COX10: variants seen among roughly 807,000 people sequenced by gnomAD.
COX10 encodes the protein protoheme IX farnesyltransferase, mitochondrial.
A neutral mutation model predicts 37.3 loss-of-function variants in COX10; 27 were observed. The ratio of observed to expected loss-of-function variants is 0.72; its 90% confidence interval spans 0.53 to 1.00. The LOEUF is 1.00. Among genes scored for constraint, COX10 ranks in the 50% least tolerant of loss-of-function variants. The probability of loss-of-function intolerance (pLI) is 0.00; values close to 1 mark genes in which losing one functional copy is unlikely to be tolerated. For missense variants in COX10, 475 were observed against 563.2 expected, an observed-to-expected ratio of 0.84 and a Z score of 1.59; for synonymous variants, 222 against 229.1, an observed-to-expected ratio of 0.97 and a Z score of 0.28.
At chr17:14,152,667 C>T (rs1904938327) in intron 4 of COX10, among the ~76,000 whole-genome samples, 1 of 152,178 alleles carries the variant, frequency 6.6e-6, no homozygotes. Flanking sequence ...CAAGAACAAC[C>T]TGGAATCTGT....
At chr17:14,142,858 A>T (rs1224809937) in intron 4 of COX10, among the ~76,000 whole-genome samples, 1 of 152,204 alleles carries the variant, frequency 6.6e-6, no homozygotes, top group Non-Finnish European at 1.5e-5. Flanking sequence ...TGCTTGCAAC[A>T]CATTACAGGT....
chr17:14,118,137 G>A (rs766867686), intron 4 of COX10, among the ~76,000 whole-genome samples: 7 of 151,430 alleles, frequency 4.6e-5, no homozygotes, highest in Non-Finnish European at 1.0e-4. Context: ...GTGCCCGCTA[G>A]GATCTTGAGT....
intron 4 of COX10, among the ~76,000 whole-genome samples, chr17:14,115,920 A>G (rs1039012390): frequency 6.6e-6 from 1 of 152,156 alleles, no homozygotes; most frequent in Non-Finnish European, 1.5e-5. Flanking sequence ...GGAACAATGT[A>G]AGTTATTCAG....
chr17:14,129,970 C>A (rs1916427116), intron 4 of COX10, among the ~76,000 whole-genome samples: 1 of 152,092 alleles, frequency 6.6e-6, no homozygotes. Flanking sequence ...CTTCTTAATC[C>A]CAGGTGGATA....
At chr17:14,179,649 A>G (rs2530380) in intron 5 of COX10, among the ~76,000 whole-genome samples, 3 of 152,242 alleles carry the variant, frequency 2.0e-5, no homozygotes, top group African/African-American at 7.2e-5. Context: ...TCCTGCAGGC[A>G]GAGCCAGGAC....
In COX10 at chr17:14,074,496, C is replaced by CTTTA. The variant is rs59113375; in HGVS notation, c.177+43_177+44insATTT. 0.99 allele frequency: 1,567,783 copies of CTTTA among 1,583,826 alleles called. 776,094 individuals carry two copies. The highest frequency in any genetic ancestry group is 1 in the Middle Eastern group (5,993 of 6,006). On this transcript the variant is annotated intron_variant, in intron 2 of 6. Coordinates refer to ENST00000261643, the MANE Select transcript of COX10 (RefSeq NM_001303.4). Reference sequence around the variant, plus strand: ...CCATTCTTACTCTGTTACTTTCTGCCTTTTTCTCTGTTGAGAGAATTTCAG... The same window carrying CTTTA: ...CCATTCTTACTCTGTTACTTTCTGCCTTTATTTTTCTCTGTTGAGAGAATTTCAG...
intron 4 of COX10, among the ~76,000 whole-genome samples, chr17:14,136,501 G>C (rs778690656): frequency 2.6e-5 from 4 of 152,010 alleles, no homozygotes; most frequent in African/African-American, 9.7e-5. Flanking sequence ...TTTGGCTTGT[G>C]TGGGACATAC....
chr17:14,109,236 A>T (rs979099752), intron 4 of COX10, among the ~76,000 whole-genome samples: 1 of 152,120 alleles, frequency 6.6e-6, no homozygotes, highest in Non-Finnish European at 1.5e-5. Context: ...TGGTTTTTAT[A>T]TATAAGGAAA....
intron 5 of COX10, among the ~76,000 whole-genome samples, chr17:14,172,983 A>T (rs1166387973): frequency 6.6e-6 from 1 of 152,128 alleles, no homozygotes; most frequent in Non-Finnish European, 1.5e-5. Flanking sequence ...ATGAGCCACC[A>T]TGTATGTCTT....
intron 3 of COX10, among the ~76,000 whole-genome samples, chr17:14,087,446 T>C (rs1915434786): frequency 6.6e-6 from 1 of 152,202 alleles, no homozygotes; most frequent in Non-Finnish European, 1.5e-5. Context: ...CTGTTTGCAC[T>C]GTTCTGTCTT....
At chr17:14,184,678 G>C (rs1291474791) in intron 5 of COX10, among the ~76,000 whole-genome samples, 2 of 152,234 alleles carry the variant, frequency 1.3e-5, no homozygotes, top group East Asian at 3.8e-4. Context: ...AACAGAGCTA[G>C]TTCACAGCCC....
At chr17:14,089,143 C>T (rs1406776226) in intron 3 of COX10, among the ~76,000 whole-genome samples, 1 of 152,170 alleles carries the variant, frequency 6.6e-6, no homozygotes, top group Non-Finnish European at 1.5e-5. Context: ...GTCCTGATAG[C>T]CCTCACTGGG....
At chr17:14,174,057 T>C (rs2142250159) in intron 5 of COX10, among the ~76,000 whole-genome samples, 1 of 151,618 alleles carries the variant, frequency 6.6e-6, no homozygotes. Flanking sequence ...AAAATGAAAA[T>C]ACAAGCCACA....
chr17:14,070,045 G>A (rs1371435250), intron 1 of COX10, among the ~76,000 whole-genome samples: 1 of 152,208 alleles, frequency 6.6e-6, no homozygotes, highest in Non-Finnish European at 1.5e-5. Context: ...CCACTCAGAA[G>A]CCTTGTTCCA....
At chr17:14,145,665 C>T (rs1487942160) in intron 4 of COX10, among the ~76,000 whole-genome samples, 1 of 152,126 alleles carries the variant, frequency 6.6e-6, no homozygotes, top group East Asian at 1.9e-4. Flanking sequence ...GGACAGTGGA[C>T]AGCCATGGAA....
At chr17:14,130,931 T>C (rs755084475) in intron 4 of COX10, among the ~76,000 whole-genome samples, 2 of 152,132 alleles carry the variant, frequency 1.3e-5, no homozygotes, top group Admixed American at 6.6e-5. Context: ...ATTTAGTCTG[T>C]GTGAAAAACC....
rs1326601031 is a variant in COX10, at chr17:14,138,404, A to G, written c.625-21473A>G. 3.3e-5 allele frequency among the ~76,000 whole-genome samples: 5 copies of G among 152,224 alleles called. No individual in the cohort carries two copies. The East Asian group carries it at 9.6e-4, about 29-fold the overall frequency. ...CATTATAAGCAATTCCACTAAAGATAAACATGCTGGTTGTCCTTGTTGAAA... is the reference window on the plus strand; with the variant it reads ...CATTATAAGCAATTCCACTAAAGATGAACATGCTGGTTGTCCTTGTTGAAA... On this transcript the variant is annotated intron_variant, in intron 4 of 6. Coordinates refer to ENST00000261643, the MANE Select transcript of COX10 (RefSeq NM_001303.4).
At chr17:14,203,023 G>C (rs914781951) in intron 6 of COX10, among the ~76,000 whole-genome samples, 53 of 152,096 alleles carry the variant, frequency 3.5e-4, no homozygotes, top group African/African-American at 9.9e-4. Context: ...CTCAAAATAG[G>C]CATCAGCACT....
intron 6 of COX10, among the ~76,000 whole-genome samples, chr17:14,198,862 C>A (rs1906446083): frequency 6.6e-6 from 1 of 152,140 alleles, no homozygotes. Flanking sequence ...CGGTTTGAAA[C>A]CAAGCTTGAA....
Sources: gnomAD v4.1 joint callset for allele counts (sites outside exome capture counted in the v4.1 genomes callset) on GRCh38, gnomAD v4.1.1 for gene constraint, MANE v1.5 for transcripts, NCBI Gene and HGNC (gene_info 2026-07-23, HGNC 2026-07-21) for gene names.